Variants in ARHGEF37 observed in about 807,000 individuals in gnomAD.
ARHGEF37 encodes Rho guanine nucleotide exchange factor 37.
ARHGEF37 carries 55 observed loss-of-function variants against 71.1 expected under a neutral mutation model. The ratio of observed to expected loss-of-function variants is 0.77; its 90% CI spans 0.62 to 0.97. The LOEUF (loss-of-function observed/expected upper bound fraction) is 0.97. Among genes scored for constraint, ARHGEF37 ranks in the 50% least tolerant of loss-of-function variants. The pLI is 0.00. For missense variants in ARHGEF37, 765 were observed against 836.8 expected (o/e 0.91, Z 1.06); for synonymous variants, 327 against 350.6 (o/e 0.93, Z 0.75).
At chr5:149,608,920 C>T (rs1229184727) in intron 3 of ARHGEF37, among the ~76,000 whole-genome samples, 2 of 152,048 alleles carry the variant, frequency 1.3e-5, no homozygotes, top group East Asian at 3.9e-4. Flanking sequence ...AGTGGTGGCT[C>T]ACAGCTGTAA....
At chr5:149,591,685 A>C (rs1243737085) in intron 1 of ARHGEF37, among the ~76,000 whole-genome samples, 1 of 152,236 alleles carries the variant, frequency 6.6e-6, no homozygotes, top group Non-Finnish European at 1.5e-5. Flanking sequence ...AAAATGATAC[A>C]CATTCAGTAG....
chr5:149,578,665 A>T (rs186774945), upstream of ARHGEF37, among the ~76,000 whole-genome samples: 1 of 152,342 alleles, frequency 6.6e-6, no homozygotes, highest in Admixed American at 6.5e-5. Context: ...CATAAAATTT[A>T]AAAATGGATC....
At position 149,601,205 on chromosome 5, in the gene ARHGEF37, A is replaced by G. The variant is rs900546465; in HGVS notation, c.284A>G (p.Lys95Arg). ...CATGATCTGCAGGAGACAGCCTCCAAGGAAGAGGAACAAGTGCAGCTAGTT... is the reference window on the plus strand; with the variant it reads ...CATGATCTGCAGGAGACAGCCTCCAGGGAAGAGGAACAAGTGCAGCTAGTT... ...FLHDLQETAS[K>R]EEEQVQLVGN... Residue 95 changes from lysine (K) to arginine (R), a missense_variant, in exon 3 of 13, where the codon AAG (lysine) becomes AGG (arginine). Lys to Arg is a conservative substitution (Grantham distance 26, BLOSUM62 2). Coordinates refer to ENST00000333677, the MANE Select transcript of ARHGEF37 (RefSeq NM_001001669.3). The G allele has an allele frequency of 1.9e-6, 3 of 1,612,926 alleles. No homozygotes were observed. The highest frequency in any genetic ancestry group is 2.5e-6 in the Non-Finnish European group (3 of 1,179,074).
chr5:149,592,369 C>T (rs1158400163), intron 1 of ARHGEF37, among the ~76,000 whole-genome samples: 1 of 152,222 alleles, frequency 6.6e-6, no homozygotes, highest in Non-Finnish European at 1.5e-5. Context: ...CTACAATTTT[C>T]TTTGTTATTA....
chr5:149,597,006 G>A (rs1013895606), intron 1 of ARHGEF37, among the ~76,000 whole-genome samples: 1 of 152,102 alleles, frequency 6.6e-6, no homozygotes, highest in African/African-American at 2.4e-5. Flanking sequence ...GTGTGGTGGT[G>A]GCAGGAGAGC....
At chr5:149,598,262 ACTCTT>A (rs1488998500) in intron 2 of ARHGEF37, among the ~76,000 whole-genome samples, 1 of 114,254 alleles carries the variant, frequency 8.8e-6, no homozygotes, top group Non-Finnish European at 1.8e-5. Flanking sequence ...GCTTAAACTG[ACTCTT>A]CTTCTTCTTC....
upstream of ARHGEF37, among the ~76,000 whole-genome samples, chr5:149,579,411 C>T (rs1189221998): frequency 6.6e-6 from 1 of 152,144 alleles, no homozygotes; most frequent in Non-Finnish European, 1.5e-5. Flanking sequence ...GTTTCTTTAT[C>T]AGTAGGTTAG....
chr5:149,605,083 C>A (rs1487359152), intron 3 of ARHGEF37, among the ~76,000 whole-genome samples: 3 of 151,018 alleles, frequency 2.0e-5, no homozygotes, highest in African/African-American at 7.3e-5. Context: ...AAAAATTAGT[C>A]GGGCGTGTTG....
intron 1 of ARHGEF37, among the ~76,000 whole-genome samples, chr5:149,564,567 G>A (rs1303034899): frequency 6.6e-6 from 1 of 152,176 alleles, no homozygotes. Context: ...GCTCCCGCCT[G>A]TAATTCCAGC....
At chr5:149,596,685 A>AG (rs1376359723) in intron 1 of ARHGEF37, among the ~76,000 whole-genome samples, 1 of 152,156 alleles carries the variant, frequency 6.6e-6, no homozygotes, top group East Asian at 1.9e-4. Flanking sequence ...GTGAGAAATG[A>AG]GGGGAGGATC....
At chr5:149,623,969 C>A in intron 9 of ARHGEF37, 43 bp from the exon 10 acceptor site, 1 of 1,550,018 alleles carries the variant, frequency 6.5e-7, no homozygotes, top group East Asian at 2.3e-5. Flanking sequence ...ATCTCATTGT[C>A]CCCTCTTGCC....
intron 4 of ARHGEF37, 120 bp downstream of exon 4, chr5:149,609,815 C>A: frequency 7.2e-7 from 1 of 1,394,732 alleles, no homozygotes; most frequent in Non-Finnish European, 9.7e-7. Context: ...TCTGTCAGAG[C>A]CTGTGTTAGT....
chr5:149,602,574 A>G (rs1468621659), intron 3 of ARHGEF37, among the ~76,000 whole-genome samples: 1 of 151,008 alleles, frequency 6.6e-6, no homozygotes. Context: ...TGCAGCCTCT[A>G]CCTTCCAGCC....
intron 9 of ARHGEF37, 59 bp from the exon 10 acceptor site, chr5:149,623,953 C>T: frequency 2.6e-6 from 4 of 1,533,566 alleles, no homozygotes; most frequent in Non-Finnish European, 3.5e-6. Flanking sequence ...CCAAAGCAAG[C>T]CAGGGATCTC....
chr5:149,609,436 A>G, intron 3 of ARHGEF37, 112 bp from the exon 4 acceptor site: 1 of 1,207,688 alleles, frequency 8.3e-7, no homozygotes, highest in East Asian at 2.4e-5. Flanking sequence ...ATGCTGGTAA[A>G]CCCAGCAATC....
intron 10 of ARHGEF37, among the ~76,000 whole-genome samples, chr5:149,625,333 T>A (rs1752654323): frequency 6.6e-6 from 1 of 151,948 alleles, no homozygotes. Flanking sequence ...GGGAGAAGGG[T>A]CTCCTCAGAC....
At chr5:149,623,738 C>T (rs1364171126) in intron 9 of ARHGEF37, among the ~76,000 whole-genome samples, 1 of 152,212 alleles carries the variant, frequency 6.6e-6, no homozygotes, top group Admixed American at 6.5e-5. Flanking sequence ...GCAGAAACCT[C>T]AATCTCCCTG....
upstream of ARHGEF37, among the ~76,000 whole-genome samples, chr5:149,580,198 T>A (rs900809815): frequency 2.0e-5 from 3 of 152,060 alleles, no homozygotes; most frequent in African/African-American, 7.2e-5. Flanking sequence ...GCAGCTGGGA[T>A]TACAGGTGTG....
intron 1 of ARHGEF37, chr5:149,552,232 A>AG (rs1200040508): frequency 2.6e-5 from 4 of 151,232 alleles, no homozygotes; most frequent in African/African-American, 7.3e-5. Context: ...AAAAAAAAAA[A>AG]AAAAAAAAAA....
Sources: allele counts gnomAD v4.1 joint callset (sites outside exome capture counted in the v4.1 genomes callset), GRCh38; gene constraint gnomAD v4.1.1; transcripts MANE v1.5; gene names NCBI Gene and HGNC (gene_info 2026-07-23, HGNC 2026-07-21).